TIMP3: variants seen among roughly 807,000 people sequenced by gnomAD.
The protein encoded by TIMP3 is TIMP metallopeptidase inhibitor 3, also known as metalloproteinase inhibitor 3.
In TIMP3, 11 loss-of-function variants were observed where a neutral mutation model predicts 30.0. The observed-to-expected ratio is 0.37, with a 90% confidence interval of 0.23 to 0.61. The LOEUF (loss-of-function observed/expected upper bound fraction) is 0.61, where lower values mean the gene tolerates loss of function less well. Among genes scored for constraint, TIMP3 ranks in the 20% least tolerant of loss-of-function variants. The probability of loss-of-function intolerance (pLI) is 0.70; values close to 1 mark genes in which losing one functional copy is unlikely to be tolerated. For synonymous variants in TIMP3, 112 were observed against 111.3 expected, an observed-to-expected ratio of 1.01 and a Z score of -0.04; for missense variants, 181 against 276.8, an observed-to-expected ratio of 0.65 and a Z score of 2.45.
At chr22:32,841,917 AGTTGTGCAGATG>A (rs1353797132) in intron 1 of TIMP3, among the ~76,000 whole-genome samples, 1 of 152,172 alleles carries the variant, frequency 6.6e-6, no homozygotes, top group African/African-American at 2.4e-5. Context: ...GGGAGCTGTC[AGTTGTGCAGATG>A]GTGCTGAGAC....
rs73158335 is a variant in TIMP3, at chr22:32,833,520, G to A, written c.122-15932G>A. Among the ~76,000 whole-genome samples the A allele has an allele frequency of 5.5e-3, 843 of 152,290 alleles. 5 individuals are homozygous for A. Among genetic ancestry groups the A allele is most frequent in the South Asian group, 0.02 (95 of 4,828 alleles). On this transcript the variant is annotated intron_variant, in intron 1 of 4. Transcript: ENST00000266085. ...TTAACCTTGGGATGGGACTGTAGAA[G>A]AAATTCAAAGGAGCTTACACTGAGT...
At chr22:32,852,184 A>T (rs1235565670) in intron 2 of TIMP3, among the ~76,000 whole-genome samples, 1 of 152,240 alleles carries the variant, frequency 6.6e-6, no homozygotes, top group Admixed American at 6.5e-5. Context: ...GGGAGGTCAT[A>T]TAACTGTTAA....
In TIMP3 at chr22:32,857,402, G is replaced by A. The variant is rs767830418; in HGVS notation, c.316+42G>A. The A allele has an allele frequency of 6.1e-6, 9 of 1,474,682 alleles. No individual in the cohort carries two copies. The South Asian group carries it at 1.0e-4, about 17-fold the overall frequency. 91.3% of individuals were successfully genotyped at this position (1,474,682 alleles called of 1,614,324 possible). Reference sequence around the variant, plus strand: ...GCTTCTAGGCCAGGGTTTGGCCAAGGTCCACTGTTTCTTGACTTCAGAAGA... The same window carrying A: ...GCTTCTAGGCCAGGGTTTGGCCAAGATCCACTGTTTCTTGACTTCAGAAGA... On this transcript the variant is annotated intron_variant, in intron 3 of 4. Transcript: ENST00000266085.
chr22:32,817,171 T>C (rs1174261129), intron 1 of TIMP3, among the ~76,000 whole-genome samples: 1 of 152,000 alleles, frequency 6.6e-6, no homozygotes, highest in Non-Finnish European at 1.5e-5. Flanking sequence ...TGAGCCATGA[T>C]TGTACCACTG....
intron 1 of TIMP3, among the ~76,000 whole-genome samples, chr22:32,815,674 A>G (rs1215233820): frequency 6.6e-6 from 1 of 152,206 alleles, no homozygotes; most frequent in Non-Finnish European, 1.5e-5. Flanking sequence ...CATACATGTC[A>G]GAAATTATTA....
At chr22:32,830,962 T>TC (rs2047556466) in intron 1 of TIMP3, among the ~76,000 whole-genome samples, 1 of 152,176 alleles carries the variant, frequency 6.6e-6, no homozygotes, top group Non-Finnish European at 1.5e-5. Flanking sequence ...TGTTTTTTTT[T>TC]CCCCAACCAG....
chr22:32,835,224 G>A (rs2047695558), intron 1 of TIMP3, among the ~76,000 whole-genome samples: 1 of 152,180 alleles, frequency 6.6e-6, no homozygotes, highest in Admixed American at 6.5e-5. Flanking sequence ...ATCAATAAGG[G>A]CCAAGATGGA....
At position 32,860,818 on chromosome 22, in the gene TIMP3, G is replaced by C. The variant is rs573491309; in HGVS notation, c.*1441G>C. 1 of 151,850 alleles carries C rather than the reference G, an allele frequency of 6.6e-6. No homozygotes were observed. Among genetic ancestry groups the C allele is most frequent in the Non-Finnish European group, 1.5e-5 (1 of 67,984 alleles). 9.4% of individuals were successfully genotyped at this position (151,850 alleles called of 1,614,324 possible). On this transcript the variant is annotated 3_prime_UTR_variant, in exon 5 of 5. Coordinates refer to ENST00000266085, the MANE Select transcript of TIMP3 (RefSeq NM_000362.5). ...CCCTTTCCCTAGCTCCCTGGTGGGT[G>C]AATGCCACCTCCTGAGATCCTCACC... is the stretch of plus-strand genomic sequence containing the variant.
At chr22:32,802,992 T>G (rs1184882106) in intron 1 of TIMP3, among the ~76,000 whole-genome samples, 1 of 152,104 alleles carries the variant, frequency 6.6e-6, no homozygotes, top group East Asian at 1.9e-4. Context: ...TCCTACTCCT[T>G]AGTGTGTATG....
At position 32,861,054 on chromosome 22, in the gene TIMP3, G is replaced by A. The variant is rs944585600; in HGVS notation, c.*1677G>A. On this transcript the variant is annotated 3_prime_UTR_variant, in exon 5 of 5. Transcript: ENST00000266085. ...ACAGAGTGGGGGTTGGCAGGATGGT[G>A]ACATTGAACATGATTGCTCTCTGTC... 6.6e-6 allele frequency: 1 copy of A among 152,234 alleles called. No homozygotes were observed. Among genetic ancestry groups the A allele is most frequent in the Non-Finnish European group, 1.5e-5 (1 of 67,990 alleles). The allele number at this position is 152,234 out of a possible 1,614,324, so 9.4% of individuals were successfully genotyped here.
chr22:32,858,308 G>C (rs1457989812), intron 4 of TIMP3, among the ~76,000 whole-genome samples, 170 bp downstream of exon 4: 1 of 152,208 alleles, frequency 6.6e-6, no homozygotes, highest in Non-Finnish European at 1.5e-5. Context: ...GTTGCCCCAG[G>C]TGGGGCAGTG....
chr22:32,855,130 A>G (rs949240041), intron 2 of TIMP3, among the ~76,000 whole-genome samples: 1 of 152,258 alleles, frequency 6.6e-6, no homozygotes, highest in Non-Finnish European at 1.5e-5. Flanking sequence ...GACCACCAGC[A>G]GTCCAGGGCT....
At chr22:32,835,809 C>G (rs1286887648) in intron 1 of TIMP3, among the ~76,000 whole-genome samples, 2 of 152,158 alleles carry the variant, frequency 1.3e-5, no homozygotes, top group Non-Finnish European at 2.9e-5. Context: ...CATTGAGAGC[C>G]CTGGGGCCCA....
At chr22:32,826,000 T>C (rs1356493030) in intron 1 of TIMP3, among the ~76,000 whole-genome samples, 2 of 152,236 alleles carry the variant, frequency 1.3e-5, no homozygotes, top group African/African-American at 4.8e-5. Flanking sequence ...GAAGGTAATA[T>C]AAATATAAAG....
At chr22:32,813,350 A>G (rs1267589606) in intron 1 of TIMP3, among the ~76,000 whole-genome samples, 1 of 152,182 alleles carries the variant, frequency 6.6e-6, no homozygotes, top group Non-Finnish European at 1.5e-5. Context: ...TGAACCGTAC[A>G]GTCCAGGTCC....
rs59870538 is a variant in TIMP3 at position 32,816,205 on chromosome 22, AG to A, written c.121+14087del. On this transcript the variant is annotated intron_variant, in intron 1 of 4. Coordinates refer to ENST00000266085, the MANE Select transcript of TIMP3 (RefSeq NM_000362.5). ...TGGAAAGTGGTATGTGTCTAATTGC[AG>A]GGGCGGGGGTAGGGGGGAGGCCAGA... Among the ~76,000 whole-genome samples the A allele has an allele frequency of 9.8e-3, 1,486 of 152,116 alleles. 28 individuals carry two copies. Among genetic ancestry groups the A allele is most frequent in the African/African-American group, 0.034 (1,407 of 41,530 alleles).
At position 32,859,497 on chromosome 22, in the gene TIMP3, G is replaced by A; in HGVS notation, c.*120G>A. The A allele has an allele frequency of 7.8e-7, 1 of 1,288,484 alleles. No individual in the cohort carries two copies. The highest frequency in any genetic ancestry group is 1.1e-6 in the Non-Finnish European group (1 of 940,156). 79.8% of individuals were successfully genotyped at this position (1,288,484 alleles called of 1,614,324 possible). A position where few individuals can be genotyped will look rare whatever the true frequency, so the allele number is the denominator to read the frequency against. On this transcript the variant is annotated 3_prime_UTR_variant, in exon 5 of 5. Transcript: ENST00000266085. ...TGTTTTCTTGCAAATTTAGCACTTG[G>A]AACATTTAAAGAAAGGTCTATGCTG...
intron 1 of TIMP3, among the ~76,000 whole-genome samples, chr22:32,809,614 A>C (rs2046858794): frequency 6.6e-6 from 1 of 152,160 alleles, no homozygotes; most frequent in Non-Finnish European, 1.5e-5. Context: ...TTGAGTGTTG[A>C]TTAACTTTCC....
Position 32,801,725 on chromosome 22 carries a change from G to C in TIMP3, c.-277G>C. ...GGCGCAGAGCGGGCAGCAGGCAGGC[G>C]GCGGGCGCTCAGACGGCTTCTCCTC... On this transcript the variant is annotated 5_prime_UTR_variant, in exon 1 of 5. Transcript: ENST00000266085. The surrounding 1 kb of genome is among the most constrained non-coding windows in gnomAD (Gnocchi z 4.7). The C allele has an allele frequency of 4.9e-6, 1 of 204,990 alleles. No individual in the cohort carries two copies. Among genetic ancestry groups the C allele is most frequent in the East Asian group, 1.3e-4 (1 of 7,954 alleles). The allele number at this position is 204,990 out of a possible 1,614,324, so 12.7% of individuals were successfully genotyped here.
Sources: gnomAD v4.1 joint callset for allele counts (sites outside exome capture counted in the v4.1 genomes callset) on GRCh38, gnomAD v4.1.1 for gene constraint, Gnocchi (gnomAD v3.1) non-coding constraint, MANE v1.5 for transcripts, NCBI Gene and HGNC (gene_info 2026-07-23, HGNC 2026-07-21) for gene names.